The following DLEC1 variants were observed in gnomAD, a reference collection of about 807,000 sequenced individuals.
DLEC1 encodes the protein deleted in lung and esophageal cancer protein 1.
Under a neutral mutation model 198.1 loss-of-function variants are expected in DLEC1, and 146 were observed. The ratio of observed to expected loss-of-function variants is 0.74; its 90% confidence interval spans 0.64 to 0.85. The LOEUF is 0.85. Among genes scored for constraint, DLEC1 ranks in the 40% least tolerant of loss-of-function variants. The probability of loss-of-function intolerance (pLI) is 0.00; values close to 1 mark genes in which losing one functional copy is unlikely to be tolerated. For missense variants in DLEC1, 2,233 were observed against 2,220.0 expected (o/e 1.01, Z -0.12); for synonymous variants, 897 against 866.8 (o/e 1.03, Z -0.61).
chr3:38,076,045 A>T (rs555079032), intron 6 of DLEC1, among the ~76,000 whole-genome samples: 2 of 152,292 alleles, frequency 1.3e-5, no homozygotes, highest in East Asian at 3.9e-4. Flanking sequence ...CTAGTCTGTG[A>T]CCGGCACCGG....
intron 2 of DLEC1, among the ~76,000 whole-genome samples, chr3:38,053,893 C>T (rs1211102669): frequency 6.6e-6 from 1 of 152,126 alleles, no homozygotes; most frequent in African/African-American, 2.4e-5. Context: ...TATAACCTTA[C>T]CCCCAACCCC....
intron 2 of DLEC1, among the ~76,000 whole-genome samples, chr3:38,050,600 C>T (rs35906121): frequency 1.3e-5 from 2 of 151,904 alleles, no homozygotes; most frequent in African/African-American, 4.8e-5. Flanking sequence ...TCCCTGCCTG[C>T]CCCCACCTAG....
intron 1 of DLEC1, among the ~76,000 whole-genome samples, chr3:38,044,129 C>A (rs1312536958): frequency 1.3e-5 from 2 of 152,006 alleles, no homozygotes; most frequent in East Asian, 3.9e-4. Context: ...TGCCTGTAAT[C>A]CCAGCTACTT....
chr3:38,061,262 T>C (rs1696668185), intron 3 of DLEC1, among the ~76,000 whole-genome samples: 1 of 152,206 alleles, frequency 6.6e-6, no homozygotes, highest in Non-Finnish European at 1.5e-5. Context: ...AACCTCTGCC[T>C]CCTGGGTTCA....
intron 35 of DLEC1, 100 bp from the exon 36 acceptor site, chr3:38,121,971 G>A: frequency 1.3e-6 from 2 of 1,556,112 alleles, no homozygotes; most frequent in East Asian, 2.3e-5. Context: ...CTGCAGTGCT[G>A]AGCAAGACCA....
At chr3:38,118,694 T>C (rs1317424107) in intron 33 of DLEC1, among the ~76,000 whole-genome samples, 1 of 151,786 alleles carries the variant, frequency 6.6e-6, no homozygotes, top group East Asian at 1.9e-4. Flanking sequence ...CGCCGCCCTG[T>C]CTCCTACTTC....
intron 6 of DLEC1, among the ~76,000 whole-genome samples, chr3:38,081,672 C>T (rs1374607742): frequency 1.2e-5 from 1 of 80,542 alleles, no homozygotes; most frequent in South Asian, 3.8e-4. Flanking sequence ...GGGGGCTGAC[C>T]CCCCCATCTC....
chr3:38,062,857 A>C, intron 5 of DLEC1, 56 bp downstream of exon 5: 2 of 1,577,658 alleles, frequency 1.3e-6, no homozygotes, highest in East Asian at 2.2e-5. Flanking sequence ...GAGTTAACCT[A>C]GATGGTCCTC....
In DLEC1 at chr3:38,112,187, C is replaced by CACA; in HGVS notation, c.3515-23_3515-22insACA. 1 of 1,613,864 alleles carries CACA rather than the reference C, an allele frequency of 6.2e-7. No individual in the cohort carries two copies. The highest frequency in any genetic ancestry group is 8.5e-7 in the Non-Finnish European group (1 of 1,179,834). ...TCCCAACCCCAGGCCCGTGAATCCC[C>CACA]CACAGTCGCGGTTCTTTCCCAGATT... is the stretch of plus-strand genomic sequence containing the variant. On this transcript the variant is annotated intron_variant, in intron 24 of 36. Coordinates refer to ENST00000308059, the MANE Select transcript of DLEC1 (RefSeq NM_007335.4). The surrounding 1 kb of genome is among the most constrained non-coding windows in gnomAD (Gnocchi z 4.8).
intron 2 of DLEC1, among the ~76,000 whole-genome samples, chr3:38,057,362 C>T (rs1696428175): frequency 6.6e-6 from 1 of 152,040 alleles, no homozygotes; most frequent in Non-Finnish European, 1.5e-5. Flanking sequence ...CGTGGTGGCA[C>T]GAGCCTGTAG....
chr3:38,108,788 T>C (rs1575217882), intron 21 of DLEC1, among the ~76,000 whole-genome samples: 1 of 152,338 alleles, frequency 6.6e-6, no homozygotes, highest in Middle Eastern at 3.4e-3. Flanking sequence ...CCCCAGGCCA[T>C]TCTCTGTGGC....
intron 27 of DLEC1, 46 bp from the exon 28 acceptor site, chr3:38,116,407 T>A: frequency 6.2e-7 from 1 of 1,606,140 alleles, no homozygotes; most frequent in African/African-American, 1.3e-5. Flanking sequence ...CGGGGGGTTG[T>A]CTGCTCCTCC....
chr3:38,113,549 G>A (rs1005398975), intron 25 of DLEC1, among the ~76,000 whole-genome samples: 1 of 144,940 alleles, frequency 6.9e-6, no homozygotes, highest in Non-Finnish European at 1.6e-5. Flanking sequence ...AAATTAGCTG[G>A]GCGTGATGGC....
In DLEC1 at chr3:38,079,409, T is replaced by G. The variant is rs535174469; in HGVS notation, c.1174-4749T>G. Among the ~76,000 whole-genome samples the G allele has an allele frequency of 4.1e-3, 631 of 152,216 alleles. 3 individuals are homozygous for G. Among genetic ancestry groups the G allele is most frequent in the Non-Finnish European group, 5.2e-3 (356 of 68,018 alleles). On this transcript the variant is annotated intron_variant, in intron 6 of 36. Transcript: ENST00000308059. ...GGGAAACAGGCCCTTGAAAATAAGG[T>G]AATGTGGAGTGGGTAGCCTCCGTAT...
intron 19 of DLEC1, among the ~76,000 whole-genome samples, chr3:38,102,243 C>G (rs1056993313): frequency 3.3e-5 from 5 of 152,180 alleles, no homozygotes; most frequent in African/African-American, 1.2e-4. Context: ...CACACACTCC[C>G]ACCTTAACAA....
intron 6 of DLEC1, 109 bp from the exon 7 acceptor site, chr3:38,084,049 A>C (rs749620889): frequency 1.9e-6 from 2 of 1,058,238 alleles, no homozygotes; most frequent in Non-Finnish European, 2.8e-6. Context: ...GGCCAAGCCT[A>C]TTTCATTTCT....
rs750125618 is a variant in DLEC1, at chr3:38,039,297, G to C, written c.72G>C (p.Trp24Cys). 6 of 1,614,196 alleles carry C rather than the reference G, an allele frequency of 3.7e-6. No homozygotes were observed. The East Asian group carries it at 1.1e-4, about 30-fold the overall frequency. ...SRTNECQGTMWAPTSPPAGSS... is the reference protein window; with the variant it reads ...SRTNECQGTMCAPTSPPAGSS... ...CCAACGAGTGCCAGGGGACAATGTG[G>C]GCGCCAACTTCGCCACCAGCCGGGT... Residue 24 changes from tryptophan to cysteine, a missense_variant, in exon 1 of 37, where the codon TGG (tryptophan) becomes TGC (cysteine). Transcript: ENST00000308059.
In DLEC1 at chr3:38,114,465, T is replaced by C. The variant is rs767140679; in HGVS notation, c.3785+5T>C. On this transcript the variant is annotated splice_donor_5th_base_variant and intron_variant, in intron 26 of 36. Coordinates refer to ENST00000308059, the MANE Select transcript of DLEC1 (RefSeq NM_007335.4). ...CCAGAAGGAACCAGCCATGAGGTGC[T>C]CCATGCTCAGCCTGAGCCTCTGCTC... is the stretch of plus-strand genomic sequence containing the variant. 2.5e-6 allele frequency: 4 copies of C among 1,613,444 alleles called. No individual in the cohort carries two copies. The highest frequency in any genetic ancestry group is 1.3e-5 in the African/African-American group (1 of 74,924).
chr3:38,112,104 C>A lies in DLEC1; in HGVS notation c.3515-106C>A. ...CACATGTAGCCTGACCAAGGAGAGG[C>A]TGGAGGGTGGCTTATCGGGGACAGT... On this transcript the variant is annotated intron_variant, in intron 24 of 36. Coordinates refer to ENST00000308059, the MANE Select transcript of DLEC1 (RefSeq NM_007335.4). The surrounding 1 kb of genome is among the most constrained non-coding windows in gnomAD (Gnocchi z 4.8). 6.5e-7 allele frequency: 1 copy of A among 1,537,492 alleles called. No homozygotes were observed. Among genetic ancestry groups the A allele is most frequent in the South Asian group, 1.2e-5 (1 of 81,332 alleles).
Sources: gnomAD v4.1 joint callset for allele counts (sites outside exome capture counted in the v4.1 genomes callset) on GRCh38, gnomAD v4.1.1 for gene constraint, Gnocchi (gnomAD v3.1) non-coding constraint, MANE v1.5 for transcripts, NCBI Gene and HGNC (gene_info 2026-07-23, HGNC 2026-07-21) for gene names.